LGSN: variants seen among roughly 807,000 people sequenced by gnomAD.
LGSN encodes the protein lengsin.
LGSN carries 21 observed loss-of-function variants against 19.5 expected under a neutral mutation model. The ratio of observed to expected loss-of-function variants is 1.07; its 90% CI spans 0.76 to 1.55. The LOEUF (loss-of-function observed/expected upper bound fraction) is 1.55. LGSN is among the 40% of genes most tolerant of loss of function. LGSN has a pLI of 0.00. For missense variants in LGSN, 673 were observed against 608.5 expected (o/e 1.11, Z -1.12); for synonymous variants, 257 against 215.6 (o/e 1.19, Z -1.68).
At chr6:63,414,851 G>A in the LGSN span, among the ~76,000 whole-genome samples, 1 of 151,918 alleles carries the variant, frequency 6.6e-6, no homozygotes, top group African/African-American at 2.4e-5. Context: ...GGAGGCAGAG[G>A]TTGCAGTGAG....
chr6:63,538,691 C>T, the LGSN span, among the ~76,000 whole-genome samples: 1 of 151,988 alleles, frequency 6.6e-6, no homozygotes, highest in Non-Finnish European at 1.5e-5. Flanking sequence ...TTAGTTTTTG[C>T]CTACAATAGT....
the LGSN span, among the ~76,000 whole-genome samples, chr6:63,562,030 A>C: frequency 6.6e-6 from 1 of 152,210 alleles, no homozygotes; most frequent in African/African-American, 2.4e-5. Context: ...AGGAAGTTAT[A>C]AATAAAAAAT....
At chr6:63,513,247 T>C in the LGSN span, among the ~76,000 whole-genome samples, 1 of 152,202 alleles carries the variant, frequency 6.6e-6, no homozygotes, top group African/African-American at 2.4e-5. Context: ...TATTGTCCCT[T>C]TTGCAAAGAT....
the LGSN span, among the ~76,000 whole-genome samples, chr6:63,354,506 G>A: frequency 1.3e-5 from 2 of 152,178 alleles, no homozygotes; most frequent in Admixed American, 1.3e-4. Flanking sequence ...ATGCTGGTGA[G>A]GATGCAAAGA....
At chr6:63,314,207 G>C (rs909755007) in intron 1 of LGSN, among the ~76,000 whole-genome samples, 3 of 152,074 alleles carry the variant, frequency 2.0e-5, no homozygotes, top group Non-Finnish European at 4.4e-5. Context: ...AGGTCATGAG[G>C]CTACAGCCTT....
the LGSN span, among the ~76,000 whole-genome samples, chr6:63,548,340 T>A: frequency 1.2e-3 from 189 of 152,354 alleles, no homozygotes; most frequent in African/African-American, 4.3e-3. Context: ...ATCTACCTCA[T>A]GGGTTTGTTG....
chr6:63,407,867 C>T, the LGSN span, among the ~76,000 whole-genome samples: 1 of 152,190 alleles, frequency 6.6e-6, no homozygotes, highest in Admixed American at 6.5e-5. Context: ...AAATCACAAG[C>T]ATTCTTATAC....
At chr6:63,385,153 G>A in the LGSN span, among the ~76,000 whole-genome samples, 40 of 152,334 alleles carry the variant, frequency 2.6e-4, no homozygotes, top group Admixed American at 2.0e-3. Context: ...AAAATGACAT[G>A]TAAATGAATT....
At chr6:63,354,835 T>C in the LGSN span, among the ~76,000 whole-genome samples, 4 of 152,084 alleles carry the variant, frequency 2.6e-5, no homozygotes, top group East Asian at 1.9e-4. Context: ...TGCAGCAACA[T>C]TGATGGAAGT....
the LGSN span, among the ~76,000 whole-genome samples, chr6:63,554,505 T>G: frequency 2.7e-3 from 404 of 152,208 alleles, 1 homozygote; most frequent in Non-Finnish European, 4.1e-3. Context: ...GAACACCTAT[T>G]ACATAATTTA....
At chr6:63,470,447 C>G in the LGSN span, among the ~76,000 whole-genome samples, 5 of 147,864 alleles carry the variant, frequency 3.4e-5, no homozygotes, top group Admixed American at 1.4e-4. Context: ...GCACTCCAGC[C>G]TGGTTGACAG....
At chr6:63,489,611 C>A in the LGSN span, among the ~76,000 whole-genome samples, 1 of 152,144 alleles carries the variant, frequency 6.6e-6, no homozygotes, top group Non-Finnish European at 1.5e-5. Flanking sequence ...CTCAAATGAT[C>A]CACACACCTT....
chr6:63,551,604 G>A, the LGSN span, among the ~76,000 whole-genome samples: 350 of 152,036 alleles, frequency 2.3e-3, 2 homozygotes, highest in African/African-American at 8.0e-3. Flanking sequence ...TGTTACATAT[G>A]TATACATGTG....
At chr6:63,379,122 A>G in the LGSN span, among the ~76,000 whole-genome samples, 1 of 151,768 alleles carries the variant, frequency 6.6e-6, no homozygotes, top group African/African-American at 2.4e-5. Context: ...ATCCATTGTC[A>G]CCCCCATCCC....
At chr6:63,450,938 G>A in the LGSN span, among the ~76,000 whole-genome samples, 1 of 152,128 alleles carries the variant, frequency 6.6e-6, no homozygotes, top group African/African-American at 2.4e-5. Flanking sequence ...GCCTCCCAAA[G>A]TGCTAGGATT....
the LGSN span, among the ~76,000 whole-genome samples, chr6:63,481,382 G>A: frequency 6.7e-6 from 1 of 148,276 alleles, no homozygotes; most frequent in Non-Finnish European, 1.5e-5. Context: ...TGGCTCTGTC[G>A]CCCAGGCTGG....
the LGSN span, among the ~76,000 whole-genome samples, chr6:63,436,878 A>C: frequency 1.8e-5 from 2 of 113,090 alleles, no homozygotes; most frequent in Non-Finnish European, 4.2e-5. Context: ...TCTACCAAAA[A>C]TACAAAAAAA....
the LGSN span, among the ~76,000 whole-genome samples, chr6:63,458,266 C>T: frequency 1.3e-5 from 2 of 152,032 alleles, no homozygotes; most frequent in Admixed American, 6.6e-5. Flanking sequence ...GGGGTCTCTC[C>T]ATGTTAGTCA....
At chr6:63,524,961 A>G in the LGSN span, among the ~76,000 whole-genome samples, 1 of 152,238 alleles carries the variant, frequency 6.6e-6, no homozygotes, top group Non-Finnish European at 1.5e-5. Context: ...AGAAAGTAAA[A>G]TTAATTATTG....
Sources: gnomAD v4.1 joint callset for allele counts (sites outside exome capture counted in the v4.1 genomes callset) on GRCh38, gnomAD v4.1.1 for gene constraint, MANE v1.5 for transcripts, NCBI Gene and HGNC (gene_info 2026-07-23, HGNC 2026-07-21) for gene names.